Variants in ARAP2 observed in about 807,000 individuals in gnomAD.
The protein encoded by ARAP2 is ArfGAP with RhoGAP domain, ankyrin repeat and PH domain 2.
A neutral mutation model predicts 194.5 loss-of-function variants in ARAP2; 148 were observed. The ratio of observed to expected loss-of-function variants is 0.76; its 90% CI spans 0.67 to 0.87. ARAP2 has a LOEUF of 0.87. ARAP2 is among the 40% of genes least tolerant of loss of function. The probability of loss-of-function intolerance (pLI) is 0.00; values close to 1 mark genes in which losing one functional copy is unlikely to be tolerated. For synonymous variants in ARAP2, 695 were observed against 683.5 expected, an observed-to-expected ratio of 1.02 and a Z score of -0.26; for missense variants, 2,128 against 1,989.7, an observed-to-expected ratio of 1.07 and a Z score of -1.32.
At chr4:36,096,645 C>T (rs9999317) in intron 27 of ARAP2, among the ~76,000 whole-genome samples, 23,462 of 151,980 alleles carry the variant, frequency 0.15, 4,082 homozygotes, top group African/African-American at 0.43. Context: ...GATACACATA[C>T]TGACCTCAGA....
intron 1 of ARAP2, among the ~76,000 whole-genome samples, chr4:36,242,969 C>T (rs533108281): frequency 2.4e-4 from 37 of 152,246 alleles, no homozygotes; most frequent in African/African-American, 8.4e-4. Context: ...GATATTTGCA[C>T]TTAACCCTAG....
chr4:36,097,758 T>C (rs1309394474), intron 27 of ARAP2, among the ~76,000 whole-genome samples: 1 of 152,120 alleles, frequency 6.6e-6, no homozygotes, highest in Non-Finnish European at 1.5e-5. Flanking sequence ...TGATCTTTCA[T>C]TCCAATCAAA....
At chr4:36,228,367 G>A (rs985063326) in intron 2 of ARAP2, among the ~76,000 whole-genome samples, 4 of 152,124 alleles carry the variant, frequency 2.6e-5, no homozygotes, top group African/African-American at 9.7e-5. Flanking sequence ...CGCTTAAATA[G>A]GGAAAAGCTA....
At chr4:36,201,175 G>GT (rs1324855006) in intron 6 of ARAP2, among the ~76,000 whole-genome samples, 4 of 152,156 alleles carry the variant, frequency 2.6e-5, no homozygotes, top group East Asian at 1.9e-4. Flanking sequence ...TGTGAGACAG[G>GT]TAACATTATT....
intron 20 of ARAP2, among the ~76,000 whole-genome samples, chr4:36,129,094 G>A (rs1724730947): frequency 6.6e-6 from 1 of 152,008 alleles, no homozygotes; most frequent in South Asian, 2.1e-4. Flanking sequence ...TGACAAAAGT[G>A]AGGCTCTCTG....
intron 2 of ARAP2, among the ~76,000 whole-genome samples, chr4:36,219,784 G>C (rs546964903): frequency 1.3e-4 from 20 of 152,092 alleles, no homozygotes; most frequent in Admixed American, 5.9e-4. Flanking sequence ...AATTAAGAAT[G>C]GATATTATAG....
chr4:36,192,391 T>G (rs1742127515), intron 7 of ARAP2, among the ~76,000 whole-genome samples: 1 of 152,102 alleles, frequency 6.6e-6, no homozygotes, highest in Admixed American at 6.5e-5. Context: ...TTCACTGCAG[T>G]TGAGATAAGC....
At chr4:36,099,721 T>C (rs1309172622) in intron 27 of ARAP2, among the ~76,000 whole-genome samples, 1 of 152,146 alleles carries the variant, frequency 6.6e-6, no homozygotes, top group African/African-American at 2.4e-5. Context: ...TGGGCTTGAA[T>C]GACAACCACA....
At chr4:36,101,396 G>GA (rs61553104) in intron 27 of ARAP2, among the ~76,000 whole-genome samples, 35,353 of 149,652 alleles carry the variant, frequency 0.24, 6,041 homozygotes, top group African/African-American at 0.49. Context: ...AAGTACCAGA[G>GA]TTTTTTTTTT....
At chr4:36,234,922 G>C (rs1752171712) in intron 1 of ARAP2, among the ~76,000 whole-genome samples, 1 of 152,126 alleles carries the variant, frequency 6.6e-6, no homozygotes, top group Non-Finnish European at 1.5e-5. Context: ...TAAATAGTTG[G>C]CATTACAGAC....
At chr4:36,091,829 C>G in intron 28 of ARAP2, 52 bp downstream of exon 28, 5 of 1,515,534 alleles carry the variant, frequency 3.3e-6, no homozygotes, top group Non-Finnish European at 4.5e-6. Context: ...GCATAAAATA[C>G]AAATGTTAAT....
At chr4:36,034,638 T>C (rs1457215405) in intron 5 of ARAP2, among the ~76,000 whole-genome samples, 1 of 152,030 alleles carries the variant, frequency 6.6e-6, no homozygotes, top group Admixed American at 6.6e-5. Flanking sequence ...ATGGCTAGCA[T>C]ATCCAGCACT....
At chr4:36,040,997 T>G (rs1720770994) in intron 5 of ARAP2, among the ~76,000 whole-genome samples, 1 of 152,266 alleles carries the variant, frequency 6.6e-6, no homozygotes, top group African/African-American at 2.4e-5. Context: ...TTTTGAGGTA[T>G]GTTCCTTCAA....
chr4:36,162,623 T>G (rs1578131002), intron 11 of ARAP2, among the ~76,000 whole-genome samples: 1 of 144,310 alleles, frequency 6.9e-6, no homozygotes, highest in African/African-American at 2.6e-5. Flanking sequence ...TTTTTTTAAG[T>G]AGAAACTATT....
Position 36,147,747 on chromosome 4 carries a change from C to T in ARAP2, c.3001-1G>A. The T allele has an allele frequency of 6.3e-7, 1 of 1,598,244 alleles. No homozygotes were observed. The highest frequency in any genetic ancestry group is 8.5e-7 in the Non-Finnish European group (1 of 1,174,266). On this transcript the variant is annotated splice_acceptor_variant, in intron 17 of 32. Transcript: ENST00000303965. LOFTEE classifies it high-confidence loss of function. ...TTTCAGCAAATAAGGGAACAAAATG[C>T]TGTTAAAACAAATACAAAAAAGTAA...
intron 11 of ARAP2, among the ~76,000 whole-genome samples, chr4:36,164,380 G>C (rs575514273): frequency 1.3e-5 from 2 of 152,286 alleles, no homozygotes; most frequent in African/African-American, 4.8e-5. Flanking sequence ...ACACTGAGAT[G>C]TCAGGTTGTC....
At chr4:36,090,773 G>C (rs181717686) in intron 28 of ARAP2, among the ~76,000 whole-genome samples, 8 of 152,206 alleles carry the variant, frequency 5.3e-5, no homozygotes, top group Admixed American at 5.2e-4. Context: ...GTGGAGCGTA[G>C]AGGATTAGAA....
chr4:36,213,745 A>G (rs1747289298), intron 3 of ARAP2, among the ~76,000 whole-genome samples: 1 of 152,132 alleles, frequency 6.6e-6, no homozygotes, highest in Non-Finnish European at 1.5e-5. Flanking sequence ...TAAAAAGGTC[A>G]CTAACATAAT....
chr4:36,235,528 G>C (rs1386381860), intron 1 of ARAP2, among the ~76,000 whole-genome samples: 1 of 152,148 alleles, frequency 6.6e-6, no homozygotes, highest in African/African-American at 2.4e-5. Context: ...AGCATGCCTT[G>C]TGACTCACCA....
Sources: allele counts gnomAD v4.1 joint callset (sites outside exome capture counted in the v4.1 genomes callset), GRCh38; gene constraint gnomAD v4.1.1; transcripts MANE v1.5; gene names NCBI Gene and HGNC (gene_info 2026-07-23, HGNC 2026-07-21).